The following COL4A1 variants were observed in gnomAD, a reference collection of about 807,000 sequenced individuals.
The protein encoded by COL4A1 is collagen type IV alpha 1 chain.
Under a neutral mutation model 216.6 loss-of-function variants are expected in COL4A1, and 40 were observed. The ratio of observed to expected loss-of-function variants is 0.18; its 90% confidence interval spans 0.14 to 0.24. The LOEUF (loss-of-function observed/expected upper bound fraction) is 0.24. Ranked by LOEUF, COL4A1 falls within the 10% of genes least tolerant of loss-of-function variation. The pLI is 1.00. For missense variants in COL4A1, 1,628 were observed against 2,196.8 expected, an observed-to-expected ratio of 0.74 and a Z score of 5.18; for synonymous variants, 839 against 810.7, an observed-to-expected ratio of 1.03 and a Z score of -0.59.
intron 43 of COL4A1, among the ~76,000 whole-genome samples, chr13:110,168,517 C>T (rs981399267): frequency 1.5e-4 from 23 of 152,312 alleles, no homozygotes; most frequent in East Asian, 5.8e-4. Context: ...GTTGCTACTC[C>T]TTATAGCCAG....
chr13:110,176,812 A>G, intron 34 of COL4A1, 73 bp downstream of exon 34: 1 of 1,613,982 alleles, frequency 6.2e-7, no homozygotes, highest in Non-Finnish European at 8.5e-7. Flanking sequence ...GTTATTATTT[A>G]TGGAGGACCC....
intron 21 of COL4A1, among the ~76,000 whole-genome samples, chr13:110,196,319 G>A (rs79757212): frequency 0.02 from 3,025 of 152,248 alleles, 76 homozygotes; most frequent in African/African-American, 0.056. Context: ...CTGGCTCCTC[G>A]TTAGCCCTTC....
Position 110,149,408 on chromosome 13 carries a change from T to A in COL4A1, c.*955A>T, listed in dbSNP as rs936116388. ...TGCTTTTGAAGTCAAGTCATTCAGT[T>A]TGTGATTAGTGTTTAAAACCCTGAA... On this transcript the variant is annotated 3_prime_UTR_variant, in exon 52 of 52. Coordinates refer to ENST00000375820, the MANE Select transcript of COL4A1 (RefSeq NM_001845.6). 6.5e-6 allele frequency: 1 copy of A among 154,522 alleles called. No homozygotes were observed. 9.6% of individuals were successfully genotyped at this position (154,522 alleles called of 1,614,324 possible).
intron 2 of COL4A1, among the ~76,000 whole-genome samples, chr13:110,230,033 G>A (rs1323248116): frequency 6.6e-6 from 1 of 152,048 alleles, no homozygotes; most frequent in African/African-American, 2.4e-5. Context: ...AGTGCCCAAG[G>A]GCAGCACCCT....
chr13:110,253,689 CATATAATTATACGTAT>C (rs1882358079), intron 1 of COL4A1, among the ~76,000 whole-genome samples: 1 of 118,054 alleles, frequency 8.5e-6, no homozygotes, highest in Non-Finnish European at 1.9e-5. Flanking sequence ...ATTACATATA[CATATAATTATACGTAT>C]GTATTACATA....
At chr13:110,206,078 C>T (rs965504714) in intron 15 of COL4A1, among the ~76,000 whole-genome samples, 7 of 152,104 alleles carry the variant, frequency 4.6e-5, no homozygotes, top group Non-Finnish European at 8.8e-5. Flanking sequence ...GAGCAGAGTC[C>T]GATGAGCTAC....
At position 110,307,070 on chromosome 13, in the gene COL4A1, G is replaced by A. The variant is rs918450416; in HGVS notation, c.-43C>T. The A allele has an allele frequency of 2.2e-6, 3 of 1,389,568 alleles. No homozygotes were observed. Among genetic ancestry groups the A allele is most frequent in the Non-Finnish European group, 1.9e-6 (2 of 1,066,560 alleles). The allele number at this position is 1,389,568 out of a possible 1,614,324, so 86.1% of individuals were successfully genotyped here. On this transcript the variant is annotated 5_prime_UTR_variant, in exon 1 of 52. Coordinates refer to ENST00000375820, the MANE Select transcript of COL4A1 (RefSeq NM_001845.6). The surrounding 1 kb of genome is among the most constrained non-coding windows in gnomAD (Gnocchi z 5.0). The stretch of plus-strand genomic sequence containing the variant: ...GGCGAGGGACGGCTGCCCGGCGTGC[G>A]GGGGCCGCGGCGGACAGCTAGCTCT...
chr13:110,171,698 A>G lies in COL4A1; in HGVS notation c.3557-966T>C, dbSNP rs180932780. Among the ~76,000 whole-genome samples, 3 of 152,310 alleles carry G rather than the reference A, an allele frequency of 2.0e-5. No individual in the cohort carries two copies. The East Asian group carries it at 5.8e-4, about 29-fold the overall frequency. ...CTCCCTGCTATTTCACACAGCAATG[A>G]GTGGAAAACGCAAGGTGCTGCGTAG... On this transcript the variant is annotated intron_variant, in intron 41 of 51. Coordinates refer to ENST00000375820, the MANE Select transcript of COL4A1 (RefSeq NM_001845.6).
At chr13:110,240,343 G>T (rs902148228) in intron 2 of COL4A1, among the ~76,000 whole-genome samples, 1 of 152,244 alleles carries the variant, frequency 6.6e-6, no homozygotes. Context: ...GGGAAACCTG[G>T]CTAAGGCCAC....
chr13:110,222,429 A>G (rs1367448574), intron 2 of COL4A1, among the ~76,000 whole-genome samples: 2 of 152,100 alleles, frequency 1.3e-5, no homozygotes, highest in African/African-American at 4.8e-5. Context: ...CTCTGGGACT[A>G]TACATTTTCC....
intron 1 of COL4A1, among the ~76,000 whole-genome samples, chr13:110,251,839 A>T (rs938022051): frequency 6.6e-6 from 1 of 152,032 alleles, no homozygotes; most frequent in African/African-American, 2.4e-5. Context: ...AAGACCTTGA[A>T]CCCACACCTG....
rs1276174021 is a variant in COL4A1, at chr13:110,162,384, G to T, written c.4308C>A (p.Pro1436=). 6.2e-7 allele frequency: 1 copy of T among 1,614,110 alleles called. No individual in the cohort carries two copies. The highest frequency in any genetic ancestry group is 1.3e-5 in the African/African-American group (1 of 74,942). ...CGTGATCAACAGATGGGGTGCCTGG[G>T]GGCCCCATGGATCCTGGCAACCCAT... ...GPDGLPGSMG[P]PGTPSVDHGF... is the part of the protein sequence containing the mutation. Residue 1436 remains proline, a synonymous_variant, in exon 48 of 52, where the codon CCC becomes CCA. Transcript: ENST00000375820.
At chr13:110,295,396 G>A (rs940246139) in intron 1 of COL4A1, among the ~76,000 whole-genome samples, 19 of 147,596 alleles carry the variant, frequency 1.3e-4, no homozygotes, top group Non-Finnish European at 2.2e-4. Context: ...AACAGCCAAC[G>A]ACAAAATATT....
chr13:110,187,365 C>T, intron 24 of COL4A1, 36 bp from the exon 25 acceptor site: 1 of 1,609,946 alleles, frequency 6.2e-7, no homozygotes, highest in Admixed American at 1.7e-5. Context: ...ACAGAAGAAC[C>T]CATCCATGAA....
chr13:110,216,667 T>G (rs1880101246), intron 2 of COL4A1, among the ~76,000 whole-genome samples: 1 of 152,182 alleles, frequency 6.6e-6, no homozygotes, highest in African/African-American at 2.4e-5. Context: ...TCTCACTGAG[T>G]CAGCACTACA....
chr13:110,173,775 G>A, intron 40 of COL4A1, 125 bp downstream of exon 40: 1 of 1,057,620 alleles, frequency 9.5e-7, no homozygotes, highest in Non-Finnish European at 1.4e-6. Context: ...TGTTTAAGTA[G>A]TTGCAGGGAT....
At chr13:110,155,439 G>C (rs750924809) in intron 49 of COL4A1, 42 bp from the exon 50 acceptor site, 1 of 1,430,486 alleles carries the variant, frequency 7.0e-7, no homozygotes, top group East Asian at 2.3e-5. Flanking sequence ...CGGGGTGCAG[G>C]GCAGAGGCCG....
Position 110,150,045 on chromosome 13 carries a change from C to T in COL4A1, c.*318G>A, listed in dbSNP as rs1174249948. 7.4e-6 allele frequency: 3 copies of T among 404,472 alleles called. No homozygotes were observed. Among genetic ancestry groups the T allele is most frequent in the African/African-American group, 4.1e-5 (2 of 48,750 alleles). The allele number at this position is 404,472 out of a possible 1,614,324, so 25.1% of individuals were successfully genotyped here. A position where few individuals can be genotyped will look rare whatever the true frequency, so the allele number is the denominator to read the frequency against. On this transcript the variant is annotated 3_prime_UTR_variant, in exon 52 of 52. Coordinates refer to ENST00000375820, the MANE Select transcript of COL4A1 (RefSeq NM_001845.6). ...CAAACAGTATGGAAGGCACCCACAC[C>T]TCCTAGCACCCTTTGGTTTTCTGAT... is the stretch of plus-strand genomic sequence containing the variant.
chr13:110,222,495 CG>C, intron 2 of COL4A1, among the ~76,000 whole-genome samples: 1 of 136,544 alleles, frequency 7.3e-6, no homozygotes, highest in East Asian at 1.9e-4. Flanking sequence ...TTTTTCAGGC[CG>C]GGCGCGGTGG....
Sources: gnomAD v4.1 joint callset for allele counts (sites outside exome capture counted in the v4.1 genomes callset) on GRCh38, gnomAD v4.1.1 for gene constraint, Gnocchi (gnomAD v3.1) non-coding constraint, MANE v1.5 for transcripts, NCBI Gene and HGNC (gene_info 2026-07-23, HGNC 2026-07-21) for gene names.